Variants in RAP2A observed in about 807,000 individuals in gnomAD.
RAP2A encodes ras-related protein Rap-2a.
Under a neutral mutation model 15.1 loss-of-function variants are expected in RAP2A, and 5 were observed. The ratio of observed to expected loss-of-function variants is 0.33; its 90% CI spans 0.17 to 0.70. RAP2A has a LOEUF of 0.70. Ranked by LOEUF, RAP2A falls within the 30% of genes least tolerant of loss-of-function variation. The probability of loss-of-function intolerance (pLI) is 0.68; values close to 1 mark genes in which losing one functional copy is unlikely to be tolerated. For missense variants in RAP2A, 111 were observed against 240.3 expected, an observed-to-expected ratio of 0.46 and a Z score of 3.56; for synonymous variants, 110 against 99.7, an observed-to-expected ratio of 1.10 and a Z score of -0.62.
Position 97,434,328 on chromosome 13 carries a change from C to A in RAP2A, c.-143C>A. 1 of 590,226 alleles carries A rather than the reference C, an allele frequency of 1.7e-6. No homozygotes were observed. The highest frequency in any genetic ancestry group is 2.1e-6 in the Non-Finnish European group (1 of 472,332). 36.6% of individuals were successfully genotyped at this position (590,226 alleles called of 1,614,324 possible). A position where few individuals can be genotyped will look rare whatever the true frequency, so the allele number is the denominator to read the frequency against. On this transcript the variant is annotated 5_prime_UTR_variant, in exon 1 of 2. Coordinates refer to ENST00000245304, the MANE Select transcript of RAP2A (RefSeq NM_021033.7). ...TCAGTTGCCGCCGCCGCCGCCGGCG[C>A]CCAGGGGGCCGCCGCGGCTGTGAGG...
chr13:97,434,843 G>A (rs2066625886), intron 1 of RAP2A, 59 bp downstream of exon 1: 2 of 1,585,108 alleles, frequency 1.3e-6, no homozygotes, highest in South Asian at 1.1e-5. Context: ...TCCCGGGGCT[G>A]GAACTCCCCG....
intron 1 of RAP2A, chr13:97,437,740 G>A (rs2066640404): frequency 6.6e-6 from 1 of 152,164 alleles, no homozygotes; most frequent in Non-Finnish European, 1.5e-5. Context: ...TTCCCCTTAT[G>A]AAGGATCTGA....
chr13:97,436,211 C>T (rs934090095), intron 1 of RAP2A: 2 of 152,108 alleles, frequency 1.3e-5, no homozygotes, highest in Admixed American at 6.5e-5. Flanking sequence ...TGTACTTCTC[C>T]AGTATCATTT....
At chr13:97,453,091 A>G (rs7335097) in intron 1 of RAP2A, among the ~76,000 whole-genome samples, 4,875 of 151,236 alleles carry the variant, frequency 0.032, 392 homozygotes, top group African/African-American at 0.11. Context: ...TTAATTGTAC[A>G]TAACATTTCC....
intron 1 of RAP2A, among the ~76,000 whole-genome samples, chr13:97,461,984 A>ATTTATATATT (rs2066748497): frequency 6.9e-6 from 1 of 144,216 alleles, no homozygotes; most frequent in South Asian, 2.1e-4. Context: ...ATATATATAT[A>ATTTATATATT]TATATTTATA....
At chr13:97,456,778 C>T (rs2066724705) in intron 1 of RAP2A, among the ~76,000 whole-genome samples, 4 of 147,792 alleles carry the variant, frequency 2.7e-5, no homozygotes. Flanking sequence ...ATTCTGAAAC[C>T]AACAGGACAT....
intron 1 of RAP2A, among the ~76,000 whole-genome samples, chr13:97,439,033 AC>A (rs1200280768): frequency 6.6e-6 from 1 of 152,188 alleles, no homozygotes; most frequent in Non-Finnish European, 1.5e-5. Flanking sequence ...AGTGTTTAAT[AC>A]GAACCTCAAA....
At chr13:97,453,249 G>GTTTCCC (rs2066709987) in intron 1 of RAP2A, among the ~76,000 whole-genome samples, 1 of 151,172 alleles carries the variant, frequency 6.6e-6, no homozygotes, top group Non-Finnish European at 1.5e-5. Flanking sequence ...TTTTCCCAGT[G>GTTTCCC]AGGTAACATC....
intron 1 of RAP2A, among the ~76,000 whole-genome samples, chr13:97,456,817 A>G (rs2066724807): frequency 6.6e-6 from 1 of 151,120 alleles, no homozygotes; most frequent in Non-Finnish European, 1.5e-5. Context: ...TTCTTTAATT[A>G]TTCAAGCTAA....
chr13:97,443,073 C>T (rs1016599473), intron 1 of RAP2A, among the ~76,000 whole-genome samples: 8 of 151,960 alleles, frequency 5.3e-5, no homozygotes, highest in South Asian at 2.1e-4. Context: ...TACATGAGTG[C>T]GGGATTATCT....
At chr13:97,448,079 A>G (rs2066687040) in intron 1 of RAP2A, among the ~76,000 whole-genome samples, 1 of 152,108 alleles carries the variant, frequency 6.6e-6, no homozygotes, top group Admixed American at 6.6e-5. Context: ...TACTGCAGGA[A>G]GATGAACAGA....
chr13:97,444,257 A>G (rs2066670217), intron 1 of RAP2A, among the ~76,000 whole-genome samples: 1 of 152,132 alleles, frequency 6.6e-6, no homozygotes, highest in Non-Finnish European at 1.5e-5. Context: ...GGTGGCGGTA[A>G]ATTTTTTGAC....
intron 1 of RAP2A, among the ~76,000 whole-genome samples, chr13:97,450,714 T>A (rs779914562): frequency 6.6e-6 from 1 of 152,150 alleles, no homozygotes; most frequent in Non-Finnish European, 1.5e-5. Context: ...ATTTGGTTTC[T>A]AAATGATAAG....
rs576714771 is a variant in RAP2A at position 97,467,819 on chromosome 13, C to T, written c.*3377C>T. On this transcript the variant is annotated 3_prime_UTR_variant, in exon 2 of 2. Transcript: ENST00000245304. ...AGATATAGTTCACAGTTAATTGTTGCGCTCTAATACAACTGACCATTTAAA... is the reference window on the plus strand; with the variant it reads ...AGATATAGTTCACAGTTAATTGTTGTGCTCTAATACAACTGACCATTTAAA... The T allele has an allele frequency of 2.3e-4, 35 of 152,506 alleles. No homozygotes were observed. The highest frequency in any genetic ancestry group is 1.4e-3 in the Admixed American group (21 of 15,274). 9.4% of individuals were successfully genotyped at this position (152,506 alleles called of 1,614,324 possible).
At chr13:97,436,853 A>G (rs2066636307) in intron 1 of RAP2A, among the ~76,000 whole-genome samples, 1 of 152,194 alleles carries the variant, frequency 6.6e-6, no homozygotes, top group South Asian at 2.1e-4. Flanking sequence ...TGTATACATA[A>G]GAACCTCTTG....
chr13:97,434,529 C>G lies in RAP2A; in HGVS notation c.59C>G (p.Thr20Ser), dbSNP rs751309333. 2 of 1,613,864 alleles carry G rather than the reference C, an allele frequency of 1.2e-6. No homozygotes were observed. Among genetic ancestry groups the G allele is most frequent in the East Asian group, 2.2e-5 (1 of 44,846 alleles). Residue 20 changes from threonine to serine, a missense_variant, in exon 1 of 2, where the codon ACC (threonine) becomes AGC (serine). Physicochemically the swap from Thr to Ser is moderately conservative, Grantham distance 58 (BLOSUM62 1). Coordinates refer to ENST00000245304, the MANE Select transcript of RAP2A (RefSeq NM_021033.7). ...GGCGGGGTAGGCAAATCCGCCCTGACCGTGCAGTTCGTGACCGGCACCTTC... is the reference window on the plus strand; with the variant it reads ...GGCGGGGTAGGCAAATCCGCCCTGAGCGTGCAGTTCGTGACCGGCACCTTC... ...GSGGVGKSAL[T>S]VQFVTGTFIE... is the part of the protein sequence containing the mutation.
rs947585732 is a variant in RAP2A, at chr13:97,464,678, A to G, written c.*236A>G. ...CTTTATGCATCTGCAACTTTAAGGC[A>G]TAGTCCATCGATCTACAGGGTGATC... On this transcript the variant is annotated 3_prime_UTR_variant, in exon 2 of 2. Coordinates refer to ENST00000245304, the MANE Select transcript of RAP2A (RefSeq NM_021033.7). 7 of 548,316 alleles carry G rather than the reference A, an allele frequency of 1.3e-5. No homozygotes were observed. The highest frequency in any genetic ancestry group is 1.1e-4 in the African/African-American group (6 of 53,114). 34.0% of individuals were successfully genotyped at this position (548,316 alleles called of 1,614,324 possible). A position where few individuals can be genotyped will look rare whatever the true frequency, so the allele number is the denominator to read the frequency against.
In RAP2A at chr13:97,465,374, C is replaced by T. The variant is rs1307769365; in HGVS notation, c.*932C>T. The T allele has an allele frequency of 6.6e-6, 1 of 152,662 alleles. No homozygotes were observed. Among genetic ancestry groups the T allele is most frequent in the Non-Finnish European group, 1.5e-5 (1 of 68,058 alleles). The allele number at this position is 152,662 out of a possible 1,614,324, so 9.5% of individuals were successfully genotyped here. ...TCCCGTTTGCAGAAACCTCACAGGA[C>T]AGTACGAATATCTGGCATTTTTAAG... On this transcript the variant is annotated 3_prime_UTR_variant, in exon 2 of 2. Coordinates refer to ENST00000245304, the MANE Select transcript of RAP2A (RefSeq NM_021033.7).
Position 97,434,460 on chromosome 13 carries a change from G to A in RAP2A, c.-11G>A. On this transcript the variant is annotated 5_prime_UTR_variant, in exon 1 of 2. Coordinates refer to ENST00000245304, the MANE Select transcript of RAP2A (RefSeq NM_021033.7). ...GCGGGCGGCGGCGGCGGCGGCGGCC[G>A]CGGAGGGACGATGCGCGAGTACAAA... is the stretch of plus-strand genomic sequence containing the variant. 3.2e-6 allele frequency: 5 copies of A among 1,580,558 alleles called. No individual in the cohort carries two copies. Among genetic ancestry groups the A allele is most frequent in the Non-Finnish European group, 4.3e-6 (5 of 1,161,872 alleles).
Sources: gnomAD v4.1 joint callset for allele counts (sites outside exome capture counted in the v4.1 genomes callset) on GRCh38, gnomAD v4.1.1 for gene constraint, MANE v1.5 for transcripts, NCBI Gene and HGNC (gene_info 2026-07-23, HGNC 2026-07-21) for gene names.